ENTREP2: variants seen among roughly 807,000 people sequenced by gnomAD.
The protein encoded by ENTREP2 is protein ENTREP2.
the ENTREP2 span, among the ~76,000 whole-genome samples, chr15:29,396,485 G>T: frequency 2.0e-5 from 3 of 152,072 alleles, no homozygotes; most frequent in African/African-American, 7.2e-5. Flanking sequence ...TTGAGTTTTA[G>T]GAGTTTTCTA....
At chr15:29,120,140 C>CTAT in the ENTREP2 span, 1 of 152,240 alleles carries the variant, frequency 6.6e-6, no homozygotes, top group East Asian at 1.9e-4. Flanking sequence ...GCATGGGTAT[C>CTAT]CCAGGCTCCC....
chr15:29,322,073 T>G, the ENTREP2 span, among the ~76,000 whole-genome samples: 1 of 152,114 alleles, frequency 6.6e-6, no homozygotes, highest in Non-Finnish European at 1.5e-5. Flanking sequence ...AGAAAAGAGC[T>G]TTGAAGAAGG....
At chr15:29,273,135 CTTAAGATTTCA>C in the ENTREP2 span, among the ~76,000 whole-genome samples, 23 of 151,336 alleles carry the variant, frequency 1.5e-4, no homozygotes, top group African/African-American at 5.3e-4. Flanking sequence ...AGCTGGAGGG[CTTAAGATTTCA>C]TTTTTCTCAT....
At chr15:29,518,331 T>C in the ENTREP2 span, among the ~76,000 whole-genome samples, 67,350 of 151,468 alleles carry the variant, frequency 0.44, 15,957 homozygotes, top group African/African-American at 0.64. Flanking sequence ...CCTGCATAAC[T>C]GATACTTAGT....
At chr15:29,293,506 T>A in the ENTREP2 span, among the ~76,000 whole-genome samples, 1 of 152,084 alleles carries the variant, frequency 6.6e-6, no homozygotes, top group African/African-American at 2.4e-5. Context: ...TCCGCCCGCC[T>A]TGGCCTCCCA....
At chr15:29,175,301 T>C in the ENTREP2 span, among the ~76,000 whole-genome samples, 1 of 152,216 alleles carries the variant, frequency 6.6e-6, no homozygotes, top group East Asian at 1.9e-4. Context: ...AAGGGTAAGA[T>C]TAGTTTCACA....
At chr15:29,247,197 G>A in the ENTREP2 span, among the ~76,000 whole-genome samples, 3 of 152,278 alleles carry the variant, frequency 2.0e-5, no homozygotes, top group African/African-American at 7.2e-5. Context: ...AAAAACTGGA[G>A]TGAAGAAGTT....
At chr15:29,250,097 G>T in the ENTREP2 span, among the ~76,000 whole-genome samples, 1 of 152,044 alleles carries the variant, frequency 6.6e-6, no homozygotes, top group Non-Finnish European at 1.5e-5. Flanking sequence ...ATGAGATTTG[G>T]GCAGGGACAC....
chr15:29,120,683 A>AGTT, the ENTREP2 span: 5 of 152,382 alleles, frequency 3.3e-5, no homozygotes, highest in South Asian at 1.0e-3. Context: ...GGCCCAGCTG[A>AGTT]GTTGGAGAAG....
At chr15:29,624,871 T>TTGTGTGTGTGTG in the ENTREP2 span, among the ~76,000 whole-genome samples, 359 of 143,714 alleles carry the variant, frequency 2.5e-3, no homozygotes, top group African/African-American at 8.5e-3. Flanking sequence ...CTGCATTAAT[T>TTGTGTGTGTGTG]TGTGTGTGTG....
the ENTREP2 span, among the ~76,000 whole-genome samples, chr15:29,160,235 C>T: frequency 3.3e-5 from 5 of 152,218 alleles, no homozygotes; most frequent in East Asian, 9.7e-4. Context: ...CCACGCGCAG[C>T]CCCGGTTCCC....
the ENTREP2 span, among the ~76,000 whole-genome samples, chr15:29,388,662 C>T: frequency 3.3e-5 from 5 of 152,296 alleles, no homozygotes; most frequent in East Asian, 7.7e-4. Context: ...AAGACACATG[C>T]ACACACGTTT....
chr15:29,258,397 C>A, the ENTREP2 span, among the ~76,000 whole-genome samples: 1 of 151,864 alleles, frequency 6.6e-6, no homozygotes, highest in East Asian at 1.9e-4. Flanking sequence ...TACACAGAAG[C>A]CAACAAGAGA....
At chr15:29,542,475 T>A in the ENTREP2 span, among the ~76,000 whole-genome samples, 4 of 46,646 alleles carry the variant, frequency 8.6e-5, no homozygotes, top group African/African-American at 1.6e-4. Flanking sequence ...ATTTGTTGTA[T>A]TTTTTTTTTT....
the ENTREP2 span, among the ~76,000 whole-genome samples, chr15:29,490,816 G>A: frequency 1.0e-3 from 157 of 152,316 alleles, 1 homozygote; most frequent in African/African-American, 3.7e-3. Context: ...TTCCGCTAGT[G>A]GATCCCGTGC....
chr15:29,413,667 T>C, the ENTREP2 span, among the ~76,000 whole-genome samples: 3 of 152,286 alleles, frequency 2.0e-5, 1 homozygote, highest in South Asian at 6.2e-4. Context: ...GTGAACTCTC[T>C]TCCCCTCTTC....
chr15:29,672,919 G>A, the ENTREP2 span, among the ~76,000 whole-genome samples: 1 of 152,248 alleles, frequency 6.6e-6, no homozygotes, highest in South Asian at 2.1e-4. Flanking sequence ...GACTCCATAG[G>A]CAGGGCAGTG....
chr15:29,643,179 A>G, the ENTREP2 span, among the ~76,000 whole-genome samples: 1 of 152,214 alleles, frequency 6.6e-6, no homozygotes, highest in Non-Finnish European at 1.5e-5. Context: ...GGACTTCACT[A>G]AAACTAAAAT....
At chr15:29,531,397 T>C in the ENTREP2 span, among the ~76,000 whole-genome samples, 1 of 151,988 alleles carries the variant, frequency 6.6e-6, no homozygotes, top group Admixed American at 6.6e-5. Context: ...TAACTGAAAG[T>C]GGACTGGTGT....
Sources: allele counts gnomAD v4.1 joint callset (sites outside exome capture counted in the v4.1 genomes callset), GRCh38; gene constraint gnomAD v4.1.1; transcripts MANE v1.5; gene names NCBI Gene and HGNC (gene_info 2026-07-23, HGNC 2026-07-21).